GOLGB1: variants seen among roughly 807,000 people sequenced by gnomAD.
The protein encoded by GOLGB1 is golgin B1, also known as golgin subfamily B member 1.
A neutral mutation model predicts 336.9 loss-of-function variants in GOLGB1; 174 were observed. The observed-to-expected ratio is 0.52, with a 90% CI of 0.46 to 0.59. GOLGB1 has a LOEUF of 0.59. Ranked by LOEUF, GOLGB1 falls within the 20% of genes least tolerant of loss-of-function variation. The probability of loss-of-function intolerance (pLI) is 0.00; values close to 1 mark genes in which losing one functional copy is unlikely to be tolerated. For synonymous variants in GOLGB1, 1,208 were observed against 1,289.2 expected (o/e 0.94, Z 1.35); for missense variants, 3,331 against 3,645.3 (o/e 0.91, Z 2.22).
chr3:121,668,146 T>C lies in GOLGB1; in HGVS notation c.9334A>G (p.Ile3112Val). ...VQELQAGPLN[I>V]DVAPGAPQEK... ...TGGGGAGCTCCTGGAGCAACATCTA[T>C]ATTTAGTGGCCCCTGGAAGAAGAAT... The change falls in exon 19 of 22, where the codon ATA becomes GTA. Residue 3112 changes from isoleucine (I) to valine (V), a missense_variant. Transcript: ENST00000614479. 6.3e-7 allele frequency: 1 copy of C among 1,586,430 alleles called. No individual in the cohort carries two copies. Among genetic ancestry groups the C allele is most frequent in the South Asian group, 1.1e-5 (1 of 89,784 alleles).
chr3:121,673,161 C>T (rs1418862871), intron 17 of GOLGB1, among the ~76,000 whole-genome samples: 1 of 151,998 alleles, frequency 6.6e-6, no homozygotes, highest in Non-Finnish European at 1.5e-5. Context: ...CTTCCACCTC[C>T]CGGGTTCAAG....
At chr3:121,685,637 T>G (rs1941641912) in intron 14 of GOLGB1, among the ~76,000 whole-genome samples, 1 of 152,094 alleles carries the variant, frequency 6.6e-6, no homozygotes, top group Non-Finnish European at 1.5e-5. Flanking sequence ...AGCTAAACCC[T>G]GTTAGTGTAA....
chr3:121,702,935 C>G (rs2107929408), intron 10 of GOLGB1, among the ~76,000 whole-genome samples: 1 of 152,252 alleles, frequency 6.6e-6, no homozygotes, highest in Non-Finnish European at 1.5e-5. Flanking sequence ...AGATTAATGT[C>G]ACCAAGTAAC....
In GOLGB1 at chr3:121,716,878, T is replaced by G; in HGVS notation, c.1147A>C (p.Thr383Pro). 1.2e-6 allele frequency: 2 copies of G among 1,614,028 alleles called. No homozygotes were observed. The highest frequency in any genetic ancestry group is 1.7e-6 in the Non-Finnish European group (2 of 1,179,944). ...QKHKAEMEEK[T>P]SHILSLQKTG... is the part of the protein sequence containing the mutation. ...TTTTGAAGACTCAAAATATGAGAGG[T>G]CTTCTCTTCCATTTCTGCTTTGTGC... The change falls in exon 9 of 22, where the codon ACC (threonine) becomes CCC (proline). Residue 383 changes from threonine (T) to proline (P), a missense_variant. Coordinates refer to ENST00000614479, the MANE Select transcript of GOLGB1 (RefSeq NM_001366282.2).
intron 20 of GOLGB1, among the ~76,000 whole-genome samples, 174 bp from the exon 21 acceptor site, chr3:121,665,205 C>T (rs1938439080): frequency 6.6e-6 from 1 of 152,234 alleles, no homozygotes; most frequent in Non-Finnish European, 1.5e-5. Context: ...ACGTTTCCTT[C>T]AGCAGCAGCA....
At position 121,685,741 on chromosome 3, in the gene GOLGB1, G is replaced by A. The variant is rs149176541; in HGVS notation, c.8695-3876C>T. ...AAATACTGAAAGAATAAGCTAAAAG[G>A]GTTGAAAGCAAATTGCCTCAGAAGA... On this transcript the variant is annotated intron_variant, in intron 14 of 21. Coordinates refer to ENST00000614479, the MANE Select transcript of GOLGB1 (RefSeq NM_001366282.2). Among the ~76,000 whole-genome samples, 538 of 152,116 alleles carry A rather than the reference G, an allele frequency of 3.5e-3. 4 individuals are homozygous for A. Among genetic ancestry groups the A allele is most frequent in the Non-Finnish European group, 5.6e-3 (383 of 67,982 alleles).
chr3:121,715,139 T>G (rs926501464), intron 9 of GOLGB1, among the ~76,000 whole-genome samples, 163 bp from the exon 10 acceptor site: 1 of 151,956 alleles, frequency 6.6e-6, no homozygotes, highest in Non-Finnish European at 1.5e-5. Flanking sequence ...TTAAATGTTC[T>G]CAAGAACCAA....
intron 5 of GOLGB1, 75 bp downstream of exon 5, chr3:121,726,838 G>T: frequency 9.0e-7 from 1 of 1,107,424 alleles, no homozygotes; most frequent in Non-Finnish European, 1.3e-6. Context: ...CTAGAAAAAT[G>T]TATTTGTCAC....
chr3:121,703,438 A>G lies in GOLGB1; in HGVS notation c.1405-843T>C, dbSNP rs549913456. On this transcript the variant is annotated intron_variant, in intron 10 of 21. Transcript: ENST00000614479. ...AGAATGAGAAGAGTTTGGGACAAAC[A>G]TAGCTGCCAGGATGTGAGGAGGGAG... is the stretch of plus-strand genomic sequence containing the variant. Among the ~76,000 whole-genome samples the G allele has an allele frequency of 2.6e-5, 4 of 152,338 alleles. No individual in the cohort carries two copies. The South Asian group carries it at 8.3e-4, about 32-fold the overall frequency.
intron 5 of GOLGB1, 75 bp downstream of exon 5, chr3:121,726,838 G>A (rs1945653427): frequency 2.7e-6 from 3 of 1,107,308 alleles, no homozygotes; most frequent in African/African-American, 1.6e-5. Flanking sequence ...CTAGAAAAAT[G>A]TATTTGTCAC....
chr3:121,699,933 T>G (rs751320708), intron 11 of GOLGB1, 48 bp from the exon 12 acceptor site: 1 of 1,089,330 alleles, frequency 9.2e-7, no homozygotes, highest in Admixed American at 2.2e-5. Flanking sequence ...GTGGAGTGTG[T>G]GAAAAAACAG....
Position 121,683,725 on chromosome 3 carries a change from G to C in GOLGB1, c.8695-1860C>G, listed in dbSNP as rs187359943. Among the ~76,000 whole-genome samples, 262 of 152,190 alleles carry C rather than the reference G, an allele frequency of 1.7e-3. 1 individual carries two copies. The highest frequency in any genetic ancestry group is 2.5e-3 in the Non-Finnish European group (172 of 67,988). On this transcript the variant is annotated intron_variant, in intron 14 of 21. Transcript: ENST00000614479. ...ATGTAATGTACTCAAAGATTTAAGAGATAACATTGTAAATAAGAAACATTA... is the reference window on the plus strand; with the variant it reads ...ATGTAATGTACTCAAAGATTTAAGACATAACATTGTAAATAAGAAACATTA...
At position 121,697,848 on chromosome 3, in the gene GOLGB1, CTCTT is replaced by C; in HGVS notation, c.2671_2674del (p.Lys891GlufsTer17). The C allele has an allele frequency of 6.2e-7, 1 of 1,614,126 alleles. No individual in the cohort carries two copies. Among genetic ancestry groups the C allele is most frequent in the East Asian group, 2.2e-5 (1 of 44,890 alleles). On this transcript the variant is annotated frameshift_variant, in exon 13 of 22. Coordinates refer to ENST00000614479, the MANE Select transcript of GOLGB1 (RefSeq NM_001366282.2). LOFTEE classifies it high-confidence loss of function. The stretch of plus-strand genomic sequence containing the variant: ...GGTTTGTTGGAGGGTTTCCACATCT[CTCTT>C]TTTCTCTAGTAAGAGCTGATCCATT...
At chr3:121,689,465 G>T (rs563726064) in intron 14 of GOLGB1, among the ~76,000 whole-genome samples, 294 of 148,584 alleles carry the variant, frequency 2.0e-3, no homozygotes, top group Middle Eastern at 6.9e-3. Flanking sequence ...TGCTCGTTAA[G>T]AGTCATCACC....
chr3:121,700,835 A>G (rs60255989), intron 11 of GOLGB1, among the ~76,000 whole-genome samples: 2,218 of 152,118 alleles, frequency 0.015, 68 homozygotes, highest in African/African-American at 0.051. Flanking sequence ...CACTACTCCA[A>G]TTCTGCGTTC....
chr3:121,737,496 C>T (rs1946558056), intron 1 of GOLGB1, among the ~76,000 whole-genome samples: 1 of 151,450 alleles, frequency 6.6e-6, no homozygotes, highest in South Asian at 2.1e-4. Context: ...ACTAAAAATA[C>T]AAAAATTAGC....
At chr3:121,710,174 C>T (rs145012476) in intron 10 of GOLGB1, among the ~76,000 whole-genome samples, 2,332 of 150,794 alleles carry the variant, frequency 0.015, 44 homozygotes, top group Non-Finnish European at 0.017. Context: ...CAAAACCTTC[C>T]TAAAACTCCA....
intron 14 of GOLGB1, among the ~76,000 whole-genome samples, chr3:121,689,523 C>T (rs1461280947): frequency 6.6e-6 from 1 of 150,382 alleles, no homozygotes; most frequent in East Asian, 1.9e-4. Flanking sequence ...CGGAAGGCCG[C>T]AGGGTCCTCT....
At position 121,716,765 on chromosome 3, in the gene GOLGB1, C is replaced by T. The variant is rs150519633; in HGVS notation, c.1260G>A (p.Gln420=). 9.9e-6 allele frequency: 16 copies of T among 1,613,394 alleles called. No individual in the cohort carries two copies. The highest frequency in any genetic ancestry group is 1.3e-5 in the Non-Finnish European group (15 of 1,179,566). The part of the protein sequence containing the change: ...LLQDKNEQAV[Q]SAQTIQQLED... ...CCAGTTGCTGAATGGTCTGGGCTGA[C>T]TGAACTGCTTGCTCATTCTTATCTT... Residue 420 remains glutamine (Q), a synonymous_variant, in exon 9 of 22, where the codon CAG becomes CAA. Transcript: ENST00000614479.
Sources: gnomAD v4.1 joint callset for allele counts (sites outside exome capture counted in the v4.1 genomes callset) on GRCh38, gnomAD v4.1.1 for gene constraint, MANE v1.5 for transcripts, NCBI Gene and HGNC (gene_info 2026-07-23, HGNC 2026-07-21) for gene names.